The following TGFBR2 variants were observed in gnomAD, a reference collection of about 807,000 sequenced individuals.
The protein encoded by TGFBR2 is transforming growth factor beta receptor 2, also known as TGF-beta receptor type-2.
A neutral mutation model predicts 49.0 loss-of-function variants in TGFBR2; 18 were observed. The ratio of observed to expected loss-of-function variants is 0.37; its 90% CI spans 0.25 to 0.54. The LOEUF (loss-of-function observed/expected upper bound fraction) is 0.54, where lower values mean the gene tolerates loss of function less well. Ranked by LOEUF, TGFBR2 falls within the 20% of genes least tolerant of loss-of-function variation. The probability of loss-of-function intolerance (pLI) is 0.85; values close to 1 mark genes in which losing one functional copy is unlikely to be tolerated. For synonymous variants in TGFBR2, 282 were observed against 275.9 expected, an observed-to-expected ratio of 1.02 and a Z score of -0.22; for missense variants, 525 against 722.6, an observed-to-expected ratio of 0.73 and a Z score of 3.13.
At chr3:30,685,340 A>T (rs1699602523) in intron 5 of TGFBR2, among the ~76,000 whole-genome samples, 1 of 152,246 alleles carries the variant, frequency 6.6e-6, no homozygotes, top group Non-Finnish European at 1.5e-5. Flanking sequence ...GTAGCTTTGC[A>T]GCTACAGTCA....
chr3:30,678,602 A>G (rs1216399986), intron 5 of TGFBR2, among the ~76,000 whole-genome samples: 1 of 151,410 alleles, frequency 6.6e-6, no homozygotes, highest in Non-Finnish European at 1.5e-5. Context: ...GTGCAGAAGG[A>G]TGATGGGATG....
At chr3:30,613,654 C>T (rs572253560) in intron 1 of TGFBR2, among the ~76,000 whole-genome samples, 1 of 152,200 alleles carries the variant, frequency 6.6e-6, no homozygotes, top group South Asian at 2.1e-4. Flanking sequence ...AATTGATTAC[C>T]AGGGCTCAGG....
intron 1 of TGFBR2, among the ~76,000 whole-genome samples, chr3:30,632,450 T>C (rs1197598404): frequency 6.6e-6 from 1 of 152,220 alleles, no homozygotes; most frequent in Non-Finnish European, 1.5e-5. Flanking sequence ...TTGGCAACTT[T>C]ATTGTAACGA....
At chr3:30,650,585 T>G (rs943524653) in intron 3 of TGFBR2, 125 bp downstream of exon 3, 13 of 1,055,738 alleles carry the variant, frequency 1.2e-5, no homozygotes, top group Non-Finnish European at 1.7e-5. Context: ...TAGGAGCTCA[T>G]TCAGCTGGTG....
chr3:30,609,534 T>C (rs929690408), intron 1 of TGFBR2, among the ~76,000 whole-genome samples: 4 of 152,218 alleles, frequency 2.6e-5, no homozygotes, highest in African/African-American at 4.8e-5. Flanking sequence ...TAGAAAGTTT[T>C]TTTTTCTTCG....
chr3:30,644,123 G>C (rs11927447), intron 1 of TGFBR2, among the ~76,000 whole-genome samples: 2,368 of 152,274 alleles, frequency 0.016, 48 homozygotes, highest in African/African-American at 0.054. Flanking sequence ...CAAACACAGA[G>C]AGAGATCAGT....
chr3:30,607,594 C>T (rs1416785708), intron 1 of TGFBR2, among the ~76,000 whole-genome samples: 1 of 151,932 alleles, frequency 6.6e-6, no homozygotes. Context: ...TGGAGATGCT[C>T]AGGTGAAACC....
At chr3:30,620,483 T>G (rs1440085897) in intron 1 of TGFBR2, among the ~76,000 whole-genome samples, 1 of 152,044 alleles carries the variant, frequency 6.6e-6, no homozygotes, top group Non-Finnish European at 1.5e-5. Context: ...ATGGAAAATC[T>G]CGTATGATCT....
At position 30,691,479 on chromosome 3, in the gene TGFBR2, T is replaced by G. The variant is rs776208827; in HGVS notation, c.1584T>G (p.Arg528=). The change falls in exon 7 of 7, where the codon CGT becomes CGG. Residue 528 remains arginine (R), a synonymous_variant. Transcript: ENST00000295754. The stretch of plus-strand genomic sequence containing the variant: ...GCTGGGACCACGACCCAGAGGCCCG[T>G]CTCACAGCCCAGTGTGTGGCAGAAC... ...TECWDHDPEA[R]LTAQCVAERF... is the part of the protein sequence containing the mutation. The G allele has an allele frequency of 6.2e-7, 1 of 1,614,072 alleles. No homozygotes were observed. Among genetic ancestry groups the G allele is most frequent in the South Asian group, 1.1e-5 (1 of 91,064 alleles).
chr3:30,650,023 G>A (rs768594517), intron 2 of TGFBR2, among the ~76,000 whole-genome samples: 10 of 152,148 alleles, frequency 6.6e-5, no homozygotes, highest in East Asian at 3.8e-4. Context: ...TCTGCTCCAG[G>A]TGATGTTTAT....
intron 5 of TGFBR2, among the ~76,000 whole-genome samples, chr3:30,687,968 C>A (rs1473394079): frequency 1.3e-5 from 2 of 152,168 alleles, no homozygotes; most frequent in East Asian, 3.9e-4. Context: ...CATTTTAAAT[C>A]TCTTTGTATA....
At chr3:30,618,092 T>G (rs1698162281) in intron 1 of TGFBR2, among the ~76,000 whole-genome samples, 1 of 152,166 alleles carries the variant, frequency 6.6e-6, no homozygotes, top group Non-Finnish European at 1.5e-5. Flanking sequence ...AAGGCACTGG[T>G]AGCAAGTCAA....
At chr3:30,623,881 C>T (rs1698279763) in intron 1 of TGFBR2, among the ~76,000 whole-genome samples, 1 of 152,228 alleles carries the variant, frequency 6.6e-6, no homozygotes. Context: ...GTGGCTCATG[C>T]CTGTAATCCC....
At chr3:30,663,993 G>A (rs1229881307) in intron 3 of TGFBR2, among the ~76,000 whole-genome samples, 9 of 137,220 alleles carry the variant, frequency 6.6e-5, no homozygotes, top group African/African-American at 2.1e-4. Context: ...GGGGGAGTTG[G>A]GGGGGCAGGG....
At chr3:30,614,889 A>G (rs527636037) in intron 1 of TGFBR2, among the ~76,000 whole-genome samples, 2 of 152,322 alleles carry the variant, frequency 1.3e-5, no homozygotes, top group African/African-American at 2.4e-5. Context: ...CTTGTCCATT[A>G]TAGCATGGGT....
At chr3:30,671,075 A>G (rs144712977) in intron 3 of TGFBR2, among the ~76,000 whole-genome samples, 114 of 152,332 alleles carry the variant, frequency 7.5e-4, no homozygotes, top group African/African-American at 2.4e-3. Flanking sequence ...TTGAAGGCAG[A>G]AGCTGTGTCA....
At chr3:30,680,057 G>A (rs967937048) in intron 5 of TGFBR2, among the ~76,000 whole-genome samples, 4 of 152,180 alleles carry the variant, frequency 2.6e-5, no homozygotes, top group Non-Finnish European at 4.4e-5. Flanking sequence ...CCCGGGAGGC[G>A]GAGGTTGCAG....
Position 30,644,779 on chromosome 3 carries a change from G to T in TGFBR2, c.127G>T (p.Gly43Cys), listed in dbSNP as rs749239632. 1 of 1,613,934 alleles carries T rather than the reference G, an allele frequency of 6.2e-7. No individual in the cohort carries two copies. Among genetic ancestry groups the T allele is most frequent in the East Asian group, 2.2e-5 (1 of 44,894 alleles). ...NNDMIVTDNN[G>C]AVKFPQLCKF... Reference sequence around the variant, plus strand: ...CGACATGATAGTCACTGACAACAACGGTGCAGTCAAGTTTCCACAACTGTG... The same window carrying T: ...CGACATGATAGTCACTGACAACAACTGTGCAGTCAAGTTTCCACAACTGTG... The change falls in exon 2 of 7, where the codon GGT becomes TGT. Residue 43 changes from glycine to cysteine, a missense_variant. Physicochemically the swap from Gly to Cys is radical, Grantham distance 159. Transcript: ENST00000295754.
At position 30,628,493 on chromosome 3, in the gene TGFBR2, CAA is replaced by C. The variant is rs5847642; in HGVS notation, c.95-16241_95-16240del. 1.2e-3 allele frequency among the ~76,000 whole-genome samples: 126 copies of C among 103,240 alleles called. 1 individual carries two copies. Among genetic ancestry groups the C allele is most frequent in the Middle Eastern group, 0.013 (2 of 158 alleles). 67.7% of individuals were successfully genotyped at this position (103,240 alleles called of 152,430 possible). A position where few individuals can be genotyped will look rare whatever the true frequency, so the allele number is the denominator to read the frequency against. ...TTGGCATGCTGTGACTTAAATCCTC[CAA>C]AAAAAAAAAAAAGCCTTTGAAAAAG... On this transcript the variant is annotated intron_variant, in intron 1 of 6. Transcript: ENST00000295754.
Sources: allele counts gnomAD v4.1 joint callset (sites outside exome capture counted in the v4.1 genomes callset), GRCh38; gene constraint gnomAD v4.1.1; transcripts MANE v1.5; gene names NCBI Gene and HGNC (gene_info 2026-07-23, HGNC 2026-07-21).